SH2D4A: variants seen among roughly 807,000 people sequenced by gnomAD.
The protein encoded by SH2D4A is SH2 domain containing 4A.
Under a neutral mutation model 64.7 loss-of-function variants are expected in SH2D4A, and 70 were observed. That is an observed-to-expected ratio of 1.08 (90% CI 0.89 to 1.32). SH2D4A has a LOEUF of 1.32. Among genes scored for constraint, SH2D4A ranks in the 40% most tolerant of loss-of-function variants. The pLI is 0.00. For missense variants in SH2D4A, 706 were observed against 540.1 expected, an observed-to-expected ratio of 1.31 and a Z score of -3.04; for synonymous variants, 268 against 200.7, an observed-to-expected ratio of 1.34 and a Z score of -2.83.
chr8:19,393,946 T>A (rs1394699022), intron 9 of SH2D4A, among the ~76,000 whole-genome samples: 1 of 152,182 alleles, frequency 6.6e-6, no homozygotes, highest in Admixed American at 6.5e-5. Flanking sequence ...CATTTTATTA[T>A]TACATTGTTA....
chr8:19,342,617 G>C (rs184304905), intron 4 of SH2D4A, among the ~76,000 whole-genome samples: 1 of 152,120 alleles, frequency 6.6e-6, no homozygotes, highest in Non-Finnish European at 1.5e-5. Flanking sequence ...TGTTCCGAGT[G>C]GGGGGATCCT....
At chr8:19,340,279 C>T (rs554611555) in intron 4 of SH2D4A, among the ~76,000 whole-genome samples, 3 of 152,172 alleles carry the variant, frequency 2.0e-5, no homozygotes, top group East Asian at 3.9e-4. Context: ...GGGCTACTTA[C>T]GTGTTTTGAC....
At chr8:19,361,176 G>GTT in intron 5 of SH2D4A, 27 bp from the exon 6 acceptor site, 15 of 1,291,958 alleles carry the variant, frequency 1.2e-5, no homozygotes, top group East Asian at 5.0e-5. Context: ...TTTTGTTTTT[G>GTT]TTTTTTTTTG....
chr8:19,390,091 C>T (rs570337350), intron 8 of SH2D4A, among the ~76,000 whole-genome samples: 6 of 152,240 alleles, frequency 3.9e-5, no homozygotes, highest in East Asian at 3.9e-4. Flanking sequence ...TGACTGAGGC[C>T]GGGTGCAGTG....
chr8:19,362,760 C>G (rs2052913081), intron 6 of SH2D4A, among the ~76,000 whole-genome samples: 1 of 151,340 alleles, frequency 6.6e-6, no homozygotes, highest in South Asian at 2.1e-4. Flanking sequence ...CAAAACAAAA[C>G]AAAAAAAACA....
intron 8 of SH2D4A, among the ~76,000 whole-genome samples, chr8:19,389,949 C>T (rs2053461008): frequency 6.6e-6 from 1 of 152,196 alleles, no homozygotes; most frequent in African/African-American, 2.4e-5. Context: ...TTTCTTTAAG[C>T]TGTGCAGAGA....
chr8:19,331,985 C>T (rs1226024117), intron 2 of SH2D4A, among the ~76,000 whole-genome samples: 1 of 152,046 alleles, frequency 6.6e-6, no homozygotes, highest in Admixed American at 6.6e-5. Flanking sequence ...AAAGCCCTGT[C>T]TCTACAAAAA....
At chr8:19,336,192 C>A (rs896797366) in intron 4 of SH2D4A, among the ~76,000 whole-genome samples, 1 of 152,082 alleles carries the variant, frequency 6.6e-6, no homozygotes, top group African/African-American at 2.4e-5. Flanking sequence ...AGCAACCTGC[C>A]CAAGGTCTTA....
chr8:19,321,674 G>A (rs1414528643), intron 2 of SH2D4A, among the ~76,000 whole-genome samples: 1 of 152,074 alleles, frequency 6.6e-6, no homozygotes, highest in Non-Finnish European at 1.5e-5. Flanking sequence ...TTCTAAACTG[G>A]TTTATGCACC....
In SH2D4A at chr8:19,314,032, T is replaced by A. The variant is rs1409651557; in HGVS notation, c.-205+209T>A. 3 of 14,616 alleles carry A rather than the reference T, an allele frequency of 2.1e-4. No homozygotes were observed. In the African/African-American group the frequency reaches 0.024, roughly 118 times the overall value. The allele number at this position is 14,616 out of a possible 1,614,324, so 0.9% of individuals were successfully genotyped here. A position where few individuals can be genotyped will look rare whatever the true frequency, so the allele number is the denominator to read the frequency against. On this transcript the variant is annotated intron_variant, in intron 1 of 9. Coordinates refer to ENST00000265807, the MANE Select transcript of SH2D4A (RefSeq NM_022071.4). The stretch of plus-strand genomic sequence containing the variant: ...GGGCGGCGAGAGCGGCCGCGGCGGG[T>A]GTCCGGTGTCCGGTGTCCGGTGTCC...
chr8:19,313,707 C>G lies in SH2D4A; in HGVS notation c.-321C>G. On this transcript the variant is annotated 5_prime_UTR_variant, in exon 1 of 10. Coordinates refer to ENST00000265807, the MANE Select transcript of SH2D4A (RefSeq NM_022071.4). ...TCCGGGCCGGAGTATTTGCTCAGCC[C>G]GCCTGCGCCGCTTGGGACGCCTCTG... is the stretch of plus-strand genomic sequence containing the variant. The G allele has an allele frequency of 1.4e-6, 2 of 1,476,374 alleles. No individual in the cohort carries two copies. The highest frequency in any genetic ancestry group is 1.8e-6 in the Non-Finnish European group (2 of 1,106,728). The allele number at this position is 1,476,374 out of a possible 1,614,324, so 91.5% of individuals were successfully genotyped here.
At position 19,327,820 on chromosome 8, in the gene SH2D4A, C is replaced by T. The variant is rs11989712; in HGVS notation, c.182-5135C>T. On this transcript the variant is annotated intron_variant, in intron 2 of 9. Transcript: ENST00000265807. Reference sequence around the variant, plus strand: ...TCTTCACAATAAACGCCAGAGCACACGCTGACTGCCGACACCAGTTCTCAC... The same window carrying T: ...TCTTCACAATAAACGCCAGAGCACATGCTGACTGCCGACACCAGTTCTCAC... 5.8e-3 allele frequency among the ~76,000 whole-genome samples: 886 copies of T among 152,324 alleles called. 7 individuals are homozygous for T. The highest frequency in any genetic ancestry group is 0.02 in the African/African-American group (829 of 41,566).
chr8:19,330,903 C>T (rs986263245), intron 2 of SH2D4A, among the ~76,000 whole-genome samples: 2 of 152,170 alleles, frequency 1.3e-5, no homozygotes, highest in East Asian at 3.9e-4. Context: ...GTTAACAAAC[C>T]ATCTGGCATT....
chr8:19,387,660 G>A (rs1387149545), intron 8 of SH2D4A, among the ~76,000 whole-genome samples: 4 of 152,210 alleles, frequency 2.6e-5, no homozygotes, highest in Non-Finnish European at 5.9e-5. Context: ...TAAGTAAGTA[G>A]TGGTTAAGAG....
chr8:19,362,862 T>C (rs1171705816), intron 6 of SH2D4A, among the ~76,000 whole-genome samples: 2 of 152,194 alleles, frequency 1.3e-5, no homozygotes, highest in Admixed American at 1.3e-4. Context: ...ATAAATGTAG[T>C]GTAGCCTAAG....
chr8:19,325,410 T>C (rs1456960901), intron 2 of SH2D4A, among the ~76,000 whole-genome samples: 3 of 152,232 alleles, frequency 2.0e-5, no homozygotes, highest in Non-Finnish European at 4.4e-5. Context: ...ATAATTTGCA[T>C]GAGTCAGTGG....
chr8:19,341,543 T>A lies in SH2D4A; in HGVS notation c.513+6686T>A, dbSNP rs528368983. ...TGTTAGATTTGTAGTAAATTTCCAA[T>A]GAAAGGTCATCACTAGAGTCCAGGT... On this transcript the variant is annotated intron_variant, in intron 4 of 9. Transcript: ENST00000265807. 3.9e-5 allele frequency among the ~76,000 whole-genome samples: 6 copies of A among 152,258 alleles called. No homozygotes were observed. In the South Asian group the frequency reaches 1.2e-3, roughly 32 times the overall value.
chr8:19,377,790 G>C (rs191376366), intron 8 of SH2D4A, among the ~76,000 whole-genome samples: 178 of 151,914 alleles, frequency 1.2e-3, no homozygotes, highest in African/African-American at 4.1e-3. Flanking sequence ...AACATGTCTC[G>C]CTGTAAACAC....
chr8:19,382,823 C>CTTTTTTTTTTTTTTTTTTTTTTTTT lies in SH2D4A; in HGVS notation c.1048+9164_1048+9188dup, dbSNP rs1159245319. On this transcript the variant is annotated intron_variant, in intron 8 of 9. Transcript: ENST00000265807. ...TTTCTCTCTTGCTGCTTTTAAGATT[C>CTTTTTTTTTTTTTTTTTTTTTTTTT]TTTTTTTTTTTTTTTTTTTTTTTTT... Among the ~76,000 whole-genome samples, 22 of 64,628 alleles carry CTTTTTTTTTTTTTTTTTTTTTTTTT rather than the reference C, an allele frequency of 3.4e-4. 1 individual carries two copies. The highest frequency in any genetic ancestry group is 5.3e-4 in the African/African-American group (9 of 17,114). 42.4% of individuals were successfully genotyped at this position (64,628 alleles called of 152,430 possible).
Sources: allele counts gnomAD v4.1 joint callset (sites outside exome capture counted in the v4.1 genomes callset), GRCh38; gene constraint gnomAD v4.1.1; transcripts MANE v1.5; gene names NCBI Gene and HGNC (gene_info 2026-07-23, HGNC 2026-07-21).